CUL1: variants seen among roughly 807,000 people sequenced by gnomAD.
CUL1 encodes cullin 1.
CUL1 carries 24 observed loss-of-function variants against 118.0 expected under a neutral mutation model. The ratio of observed to expected loss-of-function variants is 0.20; its 90% CI spans 0.15 to 0.29. The LOEUF is 0.29. CUL1 is among the 10% of genes least tolerant of loss of function. The pLI, the probability that CUL1 is intolerant of heterozygous loss-of-function variation, is 1.00. For missense variants in CUL1, 361 were observed against 933.8 expected, an observed-to-expected ratio of 0.39 and a Z score of 7.99; for synonymous variants, 332 against 340.4, an observed-to-expected ratio of 0.98 and a Z score of 0.27.
chr7:148,720,734 C>T (rs936857433), intron 1 of CUL1, among the ~76,000 whole-genome samples: 3 of 152,070 alleles, frequency 2.0e-5, no homozygotes, highest in African/African-American at 2.4e-5. Flanking sequence ...TTTGGAAGAT[C>T]CAGCGGAAGG....
At chr7:148,768,704 A>G (rs1460843777) in intron 9 of CUL1, among the ~76,000 whole-genome samples, 1 of 151,918 alleles carries the variant, frequency 6.6e-6, no homozygotes, top group African/African-American at 2.4e-5. Flanking sequence ...AGTTTCTAAA[A>G]CACATTGGTT....
In CUL1 at chr7:148,707,419, T is replaced by C. The variant is rs887442517; in HGVS notation, c.-162+8390T>C. Among the ~76,000 whole-genome samples, 10 of 152,194 alleles carry C rather than the reference T, an allele frequency of 6.6e-5. No homozygotes were observed. The South Asian group carries it at 2.1e-3, about 32-fold the overall frequency. On this transcript the variant is annotated intron_variant, in intron 1 of 21. Transcript: ENST00000325222. ...TATATTAAAAAAATTTTAAAGCATA[T>C]GGGAGACAACACAATCAAAGCCTGT...
chr7:148,724,736 G>A (rs1043454903), intron 1 of CUL1, among the ~76,000 whole-genome samples: 9 of 152,186 alleles, frequency 5.9e-5, no homozygotes, highest in African/African-American at 1.9e-4. Flanking sequence ...GTACACGCCC[G>A]AAACGCGTGG....
intron 1 of CUL1, among the ~76,000 whole-genome samples, chr7:148,700,809 T>TA (rs1797697038): frequency 6.6e-6 from 1 of 152,222 alleles, no homozygotes; most frequent in Non-Finnish European, 1.5e-5. Context: ...CAAATTTAGA[T>TA]ATGCTAGGGT....
intron 2 of CUL1, among the ~76,000 whole-genome samples, chr7:148,733,188 C>G (rs1205706380): frequency 6.6e-6 from 1 of 152,128 alleles, no homozygotes; most frequent in East Asian, 1.9e-4. Context: ...GAATGGATCA[C>G]ATTTCTCAGA....
chr7:148,783,475 G>C, intron 9 of CUL1: 4 of 1,232,734 alleles, frequency 3.2e-6, no homozygotes, highest in Non-Finnish European at 4.1e-6. Context: ...TGGCAAAGCA[G>C]AACTGTCACT....
In CUL1 at chr7:148,725,211, A is replaced by ACG. The variant is rs1186553527; in HGVS notation, c.-161-4743_-161-4742dup. 1.2e-3 allele frequency among the ~76,000 whole-genome samples: 177 copies of ACG among 143,362 alleles called. 3 individuals carry two copies. The highest frequency in any genetic ancestry group is 4.4e-3 in the African/African-American group (153 of 34,564). The allele number at this position is 143,362 out of a possible 152,430, so 94.1% of individuals were successfully genotyped here. On this transcript the variant is annotated intron_variant, in intron 1 of 21. Transcript: ENST00000325222. ...CATGCGCGCGTGTACACACACACAC[A>ACG]CGCGCGCGCTCACACACACACACAC...
chr7:148,754,226 A>G, intron 3 of CUL1, 76 bp downstream of exon 3: 5 of 967,220 alleles, frequency 5.2e-6, no homozygotes, highest in Non-Finnish European at 7.5e-6. Flanking sequence ...TAACTTGTTA[A>G]ATCTTTCACT....
At chr7:148,782,408 G>A (rs1445679011) in intron 9 of CUL1, among the ~76,000 whole-genome samples, 1 of 152,230 alleles carries the variant, frequency 6.6e-6, no homozygotes. Flanking sequence ...CTATCTGGTA[G>A]TGCAGTTCAC....
chr7:148,790,261 T>C, intron 15 of CUL1, 49 bp from the exon 16 acceptor site: 1 of 1,601,048 alleles, frequency 6.2e-7, no homozygotes, highest in African/African-American at 1.3e-5. Flanking sequence ...ACGCTGCCTG[T>C]AGGATGTGGT....
At chr7:148,782,179 C>T (rs1426118270) in intron 9 of CUL1, among the ~76,000 whole-genome samples, 1 of 152,170 alleles carries the variant, frequency 6.6e-6, no homozygotes, top group African/African-American at 2.4e-5. Context: ...TGAAAGTGAT[C>T]TAAAATCTGA....
chr7:148,768,982 T>A lies in CUL1; in HGVS notation c.1083+1233T>A, dbSNP rs183104597. Among the ~76,000 whole-genome samples the A allele has an allele frequency of 1.6e-3, 249 of 152,166 alleles. 2 individuals carry two copies. Among genetic ancestry groups the A allele is most frequent in the African/African-American group, 5.7e-3 (238 of 41,528 alleles). ...GGGAGGGAACTGGCTCAGCCGTGGATTTTATGAAAAAGATCTCTAGGTTTT... is the reference window on the plus strand; with the variant it reads ...GGGAGGGAACTGGCTCAGCCGTGGAATTTATGAAAAAGATCTCTAGGTTTT... On this transcript the variant is annotated intron_variant, in intron 9 of 21. Coordinates refer to ENST00000325222, the MANE Select transcript of CUL1 (RefSeq NM_003592.3).
At chr7:148,773,383 C>G (rs73467497) in intron 9 of CUL1, among the ~76,000 whole-genome samples, 1,776 of 152,110 alleles carry the variant, frequency 0.012, 32 homozygotes, top group African/African-American at 0.041. Context: ...CTCAAATCCT[C>G]CCTTCTAGAA....
chr7:148,725,207 A>ACGCG (rs1263565835), intron 1 of CUL1, among the ~76,000 whole-genome samples: 14 of 107,722 alleles, frequency 1.3e-4, no homozygotes, highest in East Asian at 5.1e-4. Context: ...GTACACACAC[A>ACGCG]CACACGCGCG....
Position 148,783,807 on chromosome 7 carries a change from G to A in CUL1, c.1108G>A (p.Val370Met), listed in dbSNP as rs994348862. 2 of 1,614,056 alleles carry A rather than the reference G, an allele frequency of 1.2e-6. No individual in the cohort carries two copies. The highest frequency in any genetic ancestry group is 1.7e-6 in the Non-Finnish European group (2 of 1,180,040). The change falls in exon 10 of 22, where the codon GTG (valine) becomes ATG (methionine). Residue 370 changes from valine (V) to methionine (M), a missense_variant. Transcript: ENST00000325222. ...LNDPKMYVQT[V>M]LDVHKKYNAL... ...GGACCCCAAAATGTATGTACAGACA[G>A]TGCTTGATGTTCATAAAAAATACAA...
At chr7:148,795,504 C>T (rs1383710416) in intron 17 of CUL1, among the ~76,000 whole-genome samples, 2 of 152,072 alleles carry the variant, frequency 1.3e-5, no homozygotes, top group Admixed American at 1.3e-4. Context: ...TGGTGGCTCA[C>T]GCCTGTAATC....
chr7:148,744,866 T>C (rs559610748), intron 2 of CUL1, among the ~76,000 whole-genome samples: 1 of 152,338 alleles, frequency 6.6e-6, no homozygotes, highest in African/African-American at 2.4e-5. Flanking sequence ...TCACTGGCTA[T>C]AGAACTACAA....
In CUL1 at chr7:148,754,283, CT is replaced by C. The variant is rs1409628941; in HGVS notation, c.315+134del. The C allele has an allele frequency of 8.2e-6, 5 of 607,338 alleles. No individual in the cohort carries two copies. The East Asian group carries it at 1.5e-4, about 18-fold the overall frequency. The allele number at this position is 607,338 out of a possible 1,614,324, so 37.6% of individuals were successfully genotyped here. Reference sequence around the variant, plus strand: ...CACTAACGTAGGTGACAGTGTTTTGCTATTGCATAGTCTTTTACCTACTGTG... The same window carrying C: ...CACTAACGTAGGTGACAGTGTTTTGCATTGCATAGTCTTTTACCTACTGTG... On this transcript the variant is annotated intron_variant, in intron 3 of 21. Transcript: ENST00000325222.
At chr7:148,780,049 C>T (rs531101674) in intron 9 of CUL1, among the ~76,000 whole-genome samples, 1 of 152,304 alleles carries the variant, frequency 6.6e-6, no homozygotes, top group East Asian at 1.9e-4. Flanking sequence ...CCTTGCTCCT[C>T]GAGCTTGCAG....
Sources: gnomAD v4.1 joint callset for allele counts (sites outside exome capture counted in the v4.1 genomes callset) on GRCh38, gnomAD v4.1.1 for gene constraint, MANE v1.5 for transcripts, NCBI Gene and HGNC (gene_info 2026-07-23, HGNC 2026-07-21) for gene names.